Variants in CELF1 observed in about 807,000 individuals in gnomAD.
CELF1 encodes the protein CUGBP Elav-like family member 1.
In CELF1, 10 loss-of-function variants were observed where a neutral mutation model predicts 61.8. The ratio of observed to expected loss-of-function variants is 0.16; its 90% CI spans 0.10 to 0.27. The LOEUF is 0.27. Ranked by LOEUF, CELF1 falls within the 10% of genes least tolerant of loss-of-function variation. CELF1 has a pLI of 1.00. For synonymous variants in CELF1, 236 were observed against 225.1 expected (o/e 1.05, Z -0.43); for missense variants, 380 against 639.1 (o/e 0.59, Z 4.37).
chr11:47,494,548 C>A, intron 3 of CELF1: 1 of 909,432 alleles, frequency 1.1e-6, no homozygotes, highest in Non-Finnish European at 1.3e-6. Context: ...CTTGAACACT[C>A]TCTTCTCTTT....
At chr11:47,492,767 C>T (rs1283307419) in intron 3 of CELF1, among the ~76,000 whole-genome samples, 1 of 152,160 alleles carries the variant, frequency 6.6e-6, no homozygotes, top group Non-Finnish European at 1.5e-5. Flanking sequence ...TAGTGAAACA[C>T]TGGCTCCCTA....
chr11:47,548,756 C>T (rs1311178294), intron 1 of CELF1, among the ~76,000 whole-genome samples: 1 of 151,106 alleles, frequency 6.6e-6, no homozygotes, highest in African/African-American at 2.4e-5. Flanking sequence ...GTCCCAGCTA[C>T]TCAGGAGGCC....
At chr11:47,552,741 G>C (rs1173749502) in intron 1 of CELF1, among the ~76,000 whole-genome samples, 3 of 152,194 alleles carry the variant, frequency 2.0e-5, no homozygotes, top group African/African-American at 7.2e-5. Context: ...AAAGCCACGA[G>C]GAGGGCGGGT....
At chr11:47,494,583 T>C (rs570679642) in intron 3 of CELF1, 3 of 742,840 alleles carry the variant, frequency 4.0e-6, no homozygotes, top group East Asian at 1.3e-4. Context: ...CCTCTCAAAA[T>C]TTCCCCACCC....
At chr11:47,509,617 G>A (rs2094892201) in intron 1 of CELF1, among the ~76,000 whole-genome samples, 1 of 152,170 alleles carries the variant, frequency 6.6e-6, no homozygotes, top group Non-Finnish European at 1.5e-5. Flanking sequence ...GGAACAGCCA[G>A]GAGTGGTTCA....
At chr11:47,528,876 G>A (rs1376727942) in intron 1 of CELF1, among the ~76,000 whole-genome samples, 1 of 149,214 alleles carries the variant, frequency 6.7e-6, no homozygotes, top group Non-Finnish European at 1.5e-5. Flanking sequence ...GGCCAACACA[G>A]TGAGACCCTG....
intron 1 of CELF1, among the ~76,000 whole-genome samples, chr11:47,540,009 T>C (rs1462993831): frequency 6.6e-6 from 1 of 152,150 alleles, no homozygotes; most frequent in Non-Finnish European, 1.5e-5. Flanking sequence ...GACAAAGTGA[T>C]TTGCCCAGCT....
chr11:47,551,796 C>T (rs953882241), intron 1 of CELF1, among the ~76,000 whole-genome samples: 9 of 152,106 alleles, frequency 5.9e-5, no homozygotes, highest in Admixed American at 5.2e-4. Flanking sequence ...GGTGGATCAC[C>T]CGAGGTCAGG....
chr11:47,554,494 C>T (rs1470412205), upstream of CELF1, among the ~76,000 whole-genome samples: 1 of 152,106 alleles, frequency 6.6e-6, no homozygotes. Flanking sequence ...ACATGGCTCA[C>T]TTCCTCACCT....
At chr11:47,495,053 G>A (rs1340490961) in intron 3 of CELF1, among the ~76,000 whole-genome samples, 3 of 152,286 alleles carry the variant, frequency 2.0e-5, no homozygotes, top group South Asian at 4.1e-4. Flanking sequence ...CCCCAGCTGC[G>A]ATACAGAATA....
chr11:47,517,908 T>C (rs970419402), intron 1 of CELF1, among the ~76,000 whole-genome samples: 1 of 152,072 alleles, frequency 6.6e-6, no homozygotes, highest in African/African-American at 2.4e-5. Context: ...CCTGAAGTGC[T>C]AGGATTACAG....
intron 1 of CELF1, among the ~76,000 whole-genome samples, chr11:47,514,692 C>CAAAAAAA (rs34636337): frequency 9.4e-6 from 1 of 106,062 alleles, no homozygotes; most frequent in Non-Finnish European, 1.8e-5. Flanking sequence ...CCTATCTCTA[C>CAAAAAAA]AAAAAAAAAA....
At chr11:47,507,571 A>G (rs369735517) in intron 1 of CELF1, among the ~76,000 whole-genome samples, 101 of 152,350 alleles carry the variant, frequency 6.6e-4, no homozygotes, top group Middle Eastern at 3.4e-3. Context: ...TTGCAAGTAA[A>G]GACTGATTCT....
At chr11:47,553,216 C>T, upstream of CELF1, 1 of 387,900 alleles carries the variant, frequency 2.6e-6, no homozygotes, top group Non-Finnish European at 4.6e-6. Context: ...GAACGTATCA[C>T]CGCGGCGCCG....
chr11:47,516,649 GGAGTGCAGTGGCA>G (rs1311514850), intron 1 of CELF1, among the ~76,000 whole-genome samples: 2 of 151,060 alleles, frequency 1.3e-5, no homozygotes, highest in Non-Finnish European at 2.9e-5. Context: ...CGCCTAGGCT[GGAGTGCAGTGGCA>G]TGATCTTGGC....
intron 1 of CELF1, among the ~76,000 whole-genome samples, chr11:47,527,727 G>A (rs1256743272): frequency 3.3e-5 from 5 of 151,990 alleles, no homozygotes; most frequent in Non-Finnish European, 5.9e-5. Flanking sequence ...TGCTTTTTTC[G>A]TGTTTAAGAT....
chr11:47,545,917 T>A (rs74562367), intron 1 of CELF1, among the ~76,000 whole-genome samples: 45,022 of 89,354 alleles, frequency 0.5, 7,817 homozygotes, highest in Admixed American at 0.55. Context: ...ATATATATAT[T>A]TTTTTTTTTT....
chr11:47,472,450 C>A, intron 14 of CELF1, 93 bp from the exon 15 acceptor site: 1 of 1,380,638 alleles, frequency 7.2e-7, no homozygotes, highest in East Asian at 2.3e-5. Context: ...TGCTTCATCT[C>A]AAATCCCAAT....
intron 3 of CELF1, among the ~76,000 whole-genome samples, chr11:47,498,676 G>A (rs1241472513): frequency 1.3e-5 from 2 of 152,170 alleles, no homozygotes; most frequent in Admixed American, 1.3e-4. Flanking sequence ...GAAATCAGGG[G>A]TTGGAAATGT....
Sources: gnomAD v4.1 joint callset for allele counts (sites outside exome capture counted in the v4.1 genomes callset) on GRCh38, gnomAD v4.1.1 for gene constraint, MANE v1.5 for transcripts, NCBI Gene and HGNC (gene_info 2026-07-23, HGNC 2026-07-21) for gene names.